The following FBH1 variants were observed in gnomAD, a reference collection of about 807,000 sequenced individuals.
FBH1 encodes the protein DNA 3'-5' helicase 1.
Under a neutral mutation model 115.5 loss-of-function variants are expected in FBH1, and 43 were observed. The ratio of observed to expected loss-of-function variants is 0.37; its 90% CI spans 0.29 to 0.48. The LOEUF (loss-of-function observed/expected upper bound fraction) is 0.48, where lower values mean the gene tolerates loss of function less well. Among genes scored for constraint, FBH1 ranks in the 20% least tolerant of loss-of-function variants. FBH1 has a pLI of 0.99. For synonymous variants in FBH1, 524 were observed against 507.8 expected (o/e 1.03, Z -0.43); for missense variants, 1,001 against 1,337.3 (o/e 0.75, Z 3.92).
rs750315118 is a variant in FBH1 at position 5,906,545 on chromosome 10, C to T, written c.666C>T (p.His222=). Reference sequence around the variant, plus strand: ...GCCTGCCTAGTGAGGTCCTGAGGCACGTGTTTGCCTTCCTCCCGGTGGAAG... The same window carrying T: ...GCCTGCCTAGTGAGGTCCTGAGGCATGTGTTTGCCTTCCTCCCGGTGGAAG... ...ICSLPSEVLR[H]VFAFLPVEDL... is the part of the protein sequence containing the mutation. Residue 222 remains histidine (H), a synonymous_variant, in exon 3 of 21, where the codon CAC becomes CAT. Coordinates refer to ENST00000362091, the MANE Select transcript of FBH1 (RefSeq NM_178150.3). The surrounding 1 kb of genome is among the most constrained non-coding windows in gnomAD (Gnocchi z 7.3). The T allele has an allele frequency of 9.9e-6, 16 of 1,613,964 alleles. No homozygotes were observed. The highest frequency in any genetic ancestry group is 4.0e-5 in the African/African-American group (3 of 74,898).
chr10:5,911,073 T>C lies in FBH1; in HGVS notation c.1156T>C (p.Cys386Arg), dbSNP rs941910882. 3 of 1,613,270 alleles carry C rather than the reference T, an allele frequency of 1.9e-6. No homozygotes were observed. Among genetic ancestry groups the C allele is most frequent in the African/African-American group, 1.3e-5 (1 of 74,832 alleles). ...GCCAGATGTCACCGAGACCCTGTACTGCATAGCCGTGCTTCTCTACGCCAT... is the reference window on the plus strand; with the variant it reads ...GCCAGATGTCACCGAGACCCTGTACCGCATAGCCGTGCTTCTCTACGCCAT... ...TMPDVTETLY[C>R]IAVLLYAMRE... Residue 386 changes from cysteine (C) to arginine (R), a missense_variant, in exon 6 of 21, where the codon TGC becomes CGC. Cys to Arg is a radical substitution (Grantham distance 180). Coordinates refer to ENST00000362091, the MANE Select transcript of FBH1 (RefSeq NM_178150.3). This position sits in a 1 kb window ranked among gnomAD's most constrained non-coding sequence, Gnocchi z 5.4.
At chr10:5,927,382 G>T in intron 18 of FBH1, 53 bp from the exon 19 acceptor site, 1 of 1,371,676 alleles carries the variant, frequency 7.3e-7, no homozygotes, top group Non-Finnish European at 1.0e-6. Flanking sequence ...ATAAGGTTTT[G>T]TAAGCTTTTC....
At position 5,918,212 on chromosome 10, in the gene FBH1, C is replaced by T. The variant is rs1832092000; in HGVS notation, c.1964-130C>T. On this transcript the variant is annotated intron_variant, in intron 12 of 20. Coordinates refer to ENST00000362091, the MANE Select transcript of FBH1 (RefSeq NM_178150.3). This position sits in a 1 kb window ranked among gnomAD's most constrained non-coding sequence, Gnocchi z 4.0. ...CTGCTTTTGATGGAGTGTGCCTGTC[C>T]TACAGGAAAAGGCGACCGTGAGGTC... 2 of 1,073,466 alleles carry T rather than the reference C, an allele frequency of 1.9e-6. No individual in the cohort carries two copies. The highest frequency in any genetic ancestry group is 3.0e-5 in the South Asian group (2 of 66,538). 66.5% of individuals were successfully genotyped at this position (1,073,466 alleles called of 1,614,324 possible).
chr10:5,924,048 A>T lies in FBH1; in HGVS notation c.2399-263A>T. ...CTATAGCGCTTTTCTTTTCCTGTTG[A>T]CTGCACTATTTCAAATCCCTGTGAA... On this transcript the variant is annotated intron_variant, in intron 16 of 20. Coordinates refer to ENST00000362091, the MANE Select transcript of FBH1 (RefSeq NM_178150.3). The surrounding 1 kb of genome is among the most constrained non-coding windows in gnomAD (Gnocchi z 6.2). 1 of 575,074 alleles carries T rather than the reference A, an allele frequency of 1.7e-6. No homozygotes were observed. Among genetic ancestry groups the T allele is most frequent in the African/African-American group, 1.9e-5 (1 of 53,586 alleles). 35.6% of individuals were successfully genotyped at this position (575,074 alleles called of 1,614,324 possible).
At position 5,937,519 on chromosome 10, in the gene FBH1, A is replaced by T. The variant is rs1369944260; in HGVS notation, c.*239A>T. On this transcript the variant is annotated 3_prime_UTR_variant, in exon 21 of 21. Transcript: ENST00000362091. ...GGAAGTGGGGGATGTTCTTTTGATA[A>T]AAAAAAAAAAAAAAATTTATGTATT... 32 of 19,904 alleles carry T rather than the reference A, an allele frequency of 1.6e-3. No individual in the cohort carries two copies. Among genetic ancestry groups the T allele is most frequent in the African/African-American group, 3.5e-3 (7 of 1,980 alleles). The allele number at this position is 19,904 out of a possible 1,614,324, so 1.2% of individuals were successfully genotyped here. A position where few individuals can be genotyped will look rare whatever the true frequency, so the allele number is the denominator to read the frequency against.
Position 5,909,219 on chromosome 10 carries a change from G to A in FBH1, c.945G>A (p.Leu315=), listed in dbSNP as rs35288089. ...SVDPERVLWS[L]RDHPLLPEAE... The stretch of plus-strand genomic sequence containing the variant: ...ATCCCGAGAGGGTGCTGTGGAGTCT[G>A]AGGGACCACCCCCTCCTCCCCGAGG... The change falls in exon 5 of 21, where the codon CTG becomes CTA. Residue 315 remains leucine, a synonymous_variant. Transcript: ENST00000362091. This position sits in a 1 kb window ranked among gnomAD's most constrained non-coding sequence, Gnocchi z 4.4. 4.3e-6 allele frequency: 7 copies of A among 1,612,872 alleles called. No homozygotes were observed. Among genetic ancestry groups the A allele is most frequent in the Non-Finnish European group, 8.5e-7 (1 of 1,179,802 alleles).
At chr10:5,890,820 G>T (rs922684559) in intron 1 of FBH1, among the ~76,000 whole-genome samples, 1 of 152,192 alleles carries the variant, frequency 6.6e-6, no homozygotes, top group Non-Finnish European at 1.5e-5. Flanking sequence ...GGGAGGCCTG[G>T]CGCTGGTGGA....
chr10:5,901,959 A>T (rs1407780012), intron 1 of FBH1, among the ~76,000 whole-genome samples: 3 of 152,264 alleles, frequency 2.0e-5, no homozygotes, highest in Admixed American at 2.0e-4. Context: ...ATGCAGAAGC[A>T]TGGAGAGTCT....
intron 6 of FBH1, among the ~76,000 whole-genome samples, chr10:5,912,990 G>T (rs1197757378): frequency 6.6e-6 from 1 of 152,138 alleles, no homozygotes; most frequent in Admixed American, 6.5e-5. Flanking sequence ...TTGGAGATGG[G>T]CTCTTTTCGC....
At position 5,923,985 on chromosome 10, in the gene FBH1, A is replaced by G. The variant is rs1315833503; in HGVS notation, c.2398+289A>G. On this transcript the variant is annotated intron_variant, in intron 16 of 20. Coordinates refer to ENST00000362091, the MANE Select transcript of FBH1 (RefSeq NM_178150.3). This position sits in a 1 kb window ranked among gnomAD's most constrained non-coding sequence, Gnocchi z 5.7. ...TGCCTGGGCCAATTTATACGTTGAT[A>G]CTTCCACGTGGGCCCCAAGTGATAG... 1 of 555,806 alleles carries G rather than the reference A, an allele frequency of 1.8e-6. No homozygotes were observed. The highest frequency in any genetic ancestry group is 3.2e-6 in the Non-Finnish European group (1 of 313,290). 34.4% of individuals were successfully genotyped at this position (555,806 alleles called of 1,614,324 possible). A position where few individuals can be genotyped will look rare whatever the true frequency, so the allele number is the denominator to read the frequency against.
At chr10:5,891,492 T>G (rs1490162306) in intron 1 of FBH1, among the ~76,000 whole-genome samples, 2 of 152,254 alleles carry the variant, frequency 1.3e-5, no homozygotes, top group Non-Finnish European at 2.9e-5. Context: ...AGCTTCATGC[T>G]TTTTGCTTTT....
intron 1 of FBH1, among the ~76,000 whole-genome samples, chr10:5,901,179 AT>A (rs1843324930): frequency 6.6e-6 from 1 of 152,062 alleles, no homozygotes; most frequent in African/African-American, 2.4e-5. Flanking sequence ...AGTATTCTTT[AT>A]TTTCTTTTTG....
At chr10:5,890,171 G>C (rs1842609879), upstream of FBH1, 1 of 329,646 alleles carries the variant, frequency 3.0e-6, no homozygotes, top group East Asian at 4.7e-5. Flanking sequence ...TCCGGCTCCG[G>C]CGGCGGGCGC....
Position 5,915,702 on chromosome 10 carries a change from A to G in FBH1, c.1565+131A>G. On this transcript the variant is annotated intron_variant, in intron 9 of 20. Transcript: ENST00000362091. The surrounding 1 kb of genome is among the most constrained non-coding windows in gnomAD (Gnocchi z 5.2). ...GTGTAGTGCTGTTATCTCCACTTAC[A>G]GGCAGGAAACAAATACATAGGTTTA... 1.3e-6 allele frequency: 1 copy of G among 762,776 alleles called. No homozygotes were observed. Among genetic ancestry groups the G allele is most frequent in the Non-Finnish European group, 2.1e-6 (1 of 475,186 alleles). 47.3% of individuals were successfully genotyped at this position (762,776 alleles called of 1,614,324 possible).
chr10:5,893,182 T>C lies in FBH1; in HGVS notation c.1+2836T>C, dbSNP rs1370392117. 2.0e-5 allele frequency among the ~76,000 whole-genome samples: 3 copies of C among 152,172 alleles called. No homozygotes were observed. In the East Asian group the frequency reaches 5.8e-4, roughly 29 times the overall value. On this transcript the variant is annotated intron_variant, in intron 1 of 20. Transcript: ENST00000362091. ...TTAGCTGGCTGTGGCGGTGTGCACC[T>C]GTAGTCCCAGCTACTCGGAAGACTG...
In FBH1 at chr10:5,924,515, G is replaced by A; in HGVS notation, c.2596+7G>A. On this transcript the variant is annotated splice_region_variant and intron_variant, in intron 17 of 20. Transcript: ENST00000362091. This position sits in a 1 kb window ranked among gnomAD's most constrained non-coding sequence, Gnocchi z 6.2. ...GAAGATTTGGACTTTGCAGGTAAGG[G>A]AAGCAGTTGGTTTTTACCTTCCCCC... 6.2e-7 allele frequency: 1 copy of A among 1,613,450 alleles called. No homozygotes were observed. The highest frequency in any genetic ancestry group is 8.5e-7 in the Non-Finnish European group (1 of 1,179,706).
chr10:5,914,445 G>A lies in FBH1; in HGVS notation c.1396+176G>A, dbSNP rs949034286. 6.6e-6 allele frequency among the ~76,000 whole-genome samples: 1 copy of A among 152,156 alleles called. No homozygotes were observed. Among genetic ancestry groups the A allele is most frequent in the African/African-American group, 2.4e-5 (1 of 41,428 alleles). ...TTGGCCAAGGAATACTTACTTCCCC[G>A]GACCACTCCATGAACATCCACAGAA... On this transcript the variant is annotated intron_variant, in intron 8 of 20. Coordinates refer to ENST00000362091, the MANE Select transcript of FBH1 (RefSeq NM_178150.3). The surrounding 1 kb of genome is among the most constrained non-coding windows in gnomAD (Gnocchi z 5.2).
intron 10 of FBH1, among the ~76,000 whole-genome samples, chr10:5,916,689 C>G (rs642219): frequency 3.0e-5 from 2 of 66,748 alleles, no homozygotes; most frequent in Admixed American, 3.5e-4. Context: ...TGTTAGGGAT[C>G]TGAGGATGGG....
In FBH1 at chr10:5,895,031, A is replaced by G; in HGVS notation, c.1+4685A>G. On this transcript the variant is annotated intron_variant, in intron 1 of 20. Transcript: ENST00000362091. The surrounding 1 kb of genome is among the most constrained non-coding windows in gnomAD (Gnocchi z 5.0). Reference sequence around the variant, plus strand: ...TGAGAGATAACACAGTTAACTGTTGAAATTGGGCCATTCCCGTTTCACAGG... The same window carrying G: ...TGAGAGATAACACAGTTAACTGTTGGAATTGGGCCATTCCCGTTTCACAGG... 2 of 1,604,330 alleles carry G rather than the reference A, an allele frequency of 1.2e-6. No individual in the cohort carries two copies. Among genetic ancestry groups the G allele is most frequent in the Non-Finnish European group, 1.7e-6 (2 of 1,173,350 alleles).
Sources: gnomAD v4.1 joint callset for allele counts (sites outside exome capture counted in the v4.1 genomes callset) on GRCh38, gnomAD v4.1.1 for gene constraint, Gnocchi (gnomAD v3.1) non-coding constraint, MANE v1.5 for transcripts, NCBI Gene and HGNC (gene_info 2026-07-23, HGNC 2026-07-21) for gene names.